The following CNTN4 variants were observed in gnomAD, a reference collection of about 807,000 sequenced individuals.
The protein encoded by CNTN4 is contactin-4.
CNTN4 carries 77 observed loss-of-function variants against 122.5 expected under a neutral mutation model. The observed-to-expected ratio is 0.63, with a 90% CI of 0.52 to 0.76. CNTN4 has a LOEUF of 0.76. CNTN4 is among the 30% of genes least tolerant of loss of function. CNTN4 has a pLI of 0.00. For missense variants in CNTN4, 1,256 were observed against 1,259.1 expected, an observed-to-expected ratio of 1.00 and a Z score of 0.04; for synonymous variants, 512 against 447.0, an observed-to-expected ratio of 1.15 and a Z score of -1.83.
rs1398949142 is a variant in CNTN4, at chr3:2,120,401, ATATATTTTTT to A, written c.-145+19764_-145+19773del. ...TATATATATATATATATATATATATATATATTTTTTTTTTTTTTTTTATGCAGAGTCTCAC... is the reference window on the plus strand; with the variant it reads ...TATATATATATATATATATATATATATTTTTTTTTTTATGCAGAGTCTCAC... On this transcript the variant is annotated intron_variant, in intron 2 of 24. Transcript: ENST00000418658. Among the ~76,000 whole-genome samples the A allele has an allele frequency of 5.7e-4, 18 of 31,352 alleles. No homozygotes were observed. In the East Asian group the frequency reaches 8.5e-3, roughly 15 times the overall value. 20.6% of individuals were successfully genotyped at this position (31,352 alleles called of 152,430 possible). A position where few individuals can be genotyped will look rare whatever the true frequency, so the allele number is the denominator to read the frequency against.
chr3:2,730,092 C>G (rs2088569215), intron 4 of CNTN4, among the ~76,000 whole-genome samples: 1 of 152,092 alleles, frequency 6.6e-6, no homozygotes, highest in African/African-American at 2.4e-5. Flanking sequence ...ATCTAAAATG[C>G]TTGAGACTGG....
chr3:2,271,730 A>G (rs752723500), intron 2 of CNTN4, among the ~76,000 whole-genome samples: 4 of 152,148 alleles, frequency 2.6e-5, no homozygotes, highest in Non-Finnish European at 5.9e-5. Flanking sequence ...GGGGTCCCCA[A>G]CTAAAGAATG....
At chr3:2,947,754 A>G (rs2094694714) in intron 13 of CNTN4, among the ~76,000 whole-genome samples, 2 of 152,204 alleles carry the variant, frequency 1.3e-5, no homozygotes, top group Non-Finnish European at 1.5e-5. Context: ...CTCTTCCATT[A>G]TAGATACCAG....
intron 3 of CNTN4, among the ~76,000 whole-genome samples, chr3:2,561,182 C>G (rs1339838966): frequency 6.6e-6 from 1 of 152,046 alleles, no homozygotes; most frequent in African/African-American, 2.4e-5. Context: ...TTTAGCTCTT[C>G]TTTAGTTTAG....
chr3:2,475,161 G>C (rs918961035), intron 3 of CNTN4, among the ~76,000 whole-genome samples: 2 of 152,138 alleles, frequency 1.3e-5, no homozygotes, highest in Non-Finnish European at 2.9e-5. Flanking sequence ...TGACAGGTAC[G>C]AAATGGACAA....
At chr3:2,127,598 G>T (rs1346632805) in intron 2 of CNTN4, among the ~76,000 whole-genome samples, 7 of 152,040 alleles carry the variant, frequency 4.6e-5, no homozygotes, top group Non-Finnish European at 8.8e-5. Context: ...GATAATTTGA[G>T]TATCTTCACT....
chr3:2,464,461 T>G (rs904391515), intron 3 of CNTN4, among the ~76,000 whole-genome samples: 14 of 152,068 alleles, frequency 9.2e-5, no homozygotes, highest in African/African-American at 3.4e-4. Context: ...GTTGAGGAAA[T>G]AAAAAGTAGG....
chr3:2,953,698 C>G (rs908866381), intron 13 of CNTN4, among the ~76,000 whole-genome samples: 2 of 152,158 alleles, frequency 1.3e-5, no homozygotes, highest in Admixed American at 1.3e-4. Flanking sequence ...TCTTTGCAAT[C>G]TATCCTAGGC....
intron 3 of CNTN4, among the ~76,000 whole-genome samples, chr3:2,364,320 C>G (rs753369268): frequency 5.3e-5 from 8 of 152,112 alleles, no homozygotes; most frequent in Non-Finnish European, 1.2e-4. Flanking sequence ...GATAGAAATT[C>G]ATTAAATTGG....
intron 3 of CNTN4, among the ~76,000 whole-genome samples, chr3:2,441,291 A>T (rs2048429808): frequency 6.6e-6 from 1 of 152,216 alleles, no homozygotes; most frequent in East Asian, 1.9e-4. Flanking sequence ...TGCAGTAATA[A>T]GCACATGTAT....
chr3:2,160,865 C>T (rs1354833210), intron 2 of CNTN4, among the ~76,000 whole-genome samples: 4 of 152,134 alleles, frequency 2.6e-5, no homozygotes, highest in African/African-American at 9.7e-5. Flanking sequence ...CACCTTCCTT[C>T]TGTACACAAA....
chr3:2,296,110 G>A (rs540318949), intron 2 of CNTN4, among the ~76,000 whole-genome samples: 62 of 152,230 alleles, frequency 4.1e-4, no homozygotes, highest in South Asian at 1.5e-3. Context: ...GTCAGGTAGC[G>A]TGATGCCTCC....
intron 13 of CNTN4, among the ~76,000 whole-genome samples, chr3:2,940,550 A>G (rs2094605024): frequency 6.6e-6 from 1 of 152,144 alleles, no homozygotes; most frequent in Non-Finnish European, 1.5e-5. Context: ...AGATTGGGGA[A>G]TATTTATAGC....
At chr3:2,570,980 C>G (rs2079397064) in intron 3 of CNTN4, among the ~76,000 whole-genome samples, 1 of 152,098 alleles carries the variant, frequency 6.6e-6, no homozygotes, top group Non-Finnish European at 1.5e-5. Flanking sequence ...CGATATAACT[C>G]CATTGGAAAA....
At chr3:2,766,234 C>A (rs1262042686) in intron 6 of CNTN4, among the ~76,000 whole-genome samples, 1 of 152,192 alleles carries the variant, frequency 6.6e-6, no homozygotes, top group Non-Finnish European at 1.5e-5. Context: ...CTGATCGCAT[C>A]TATAATTTTA....
intron 4 of CNTN4, among the ~76,000 whole-genome samples, chr3:2,637,463 A>G (rs4371502): frequency 0.69 from 104,707 of 151,686 alleles, 37,457 homozygotes; most frequent in African/African-American, 0.87. Flanking sequence ...TCCTCCTTTC[A>G]AAAGGAGCCC....
At chr3:2,392,391 A>T (rs945323909) in intron 3 of CNTN4, among the ~76,000 whole-genome samples, 1 of 152,192 alleles carries the variant, frequency 6.6e-6, no homozygotes, top group African/African-American at 2.4e-5. Flanking sequence ...AATTCTGGTC[A>T]TTAAATGTCT....
chr3:2,265,344 G>A (rs540585797), intron 2 of CNTN4, among the ~76,000 whole-genome samples: 1 of 152,122 alleles, frequency 6.6e-6, no homozygotes, highest in Non-Finnish European at 1.5e-5. Flanking sequence ...TGCTTTTGGA[G>A]CTTTTTCTAA....
In CNTN4 at chr3:2,530,217, C is replaced by G. The variant is rs147442596; in HGVS notation, c.-88-41199C>G. 1.9e-3 allele frequency among the ~76,000 whole-genome samples: 285 copies of G among 152,054 alleles called. 3 individuals carry two copies. Among genetic ancestry groups the G allele is most frequent in the African/African-American group, 6.6e-3 (274 of 41,496 alleles). ...AGAATTCAGCCAAAATAAATAAAAT[C>G]CAGCTCTGTCACTGCTTGACAAATA... On this transcript the variant is annotated intron_variant, in intron 3 of 24. Coordinates refer to ENST00000418658, the MANE Select transcript of CNTN4 (RefSeq NM_175607.3).
Sources: gnomAD v4.1 joint callset for allele counts (sites outside exome capture counted in the v4.1 genomes callset) on GRCh38, gnomAD v4.1.1 for gene constraint, MANE v1.5 for transcripts, NCBI Gene and HGNC (gene_info 2026-07-23, HGNC 2026-07-21) for gene names.